ZNF534: variants seen among roughly 807,000 people sequenced by gnomAD.
ZNF534 encodes zinc finger protein 534.
In ZNF534, 19 loss-of-function variants were observed where a neutral mutation model predicts 13.6. The ratio of observed to expected loss-of-function variants is 1.40; its 90% CI spans 0.97 to 2.05. The LOEUF is 2.05. Ranked by LOEUF, ZNF534 falls within the 30% of genes most tolerant of loss-of-function variation. The pLI is 0.00. For synonymous variants in ZNF534, 244 were observed against 273.8 expected (o/e 0.89, Z 1.07); for missense variants, 782 against 796.3 (o/e 0.98, Z 0.22).
chr19:52,443,250 C>T (rs891228429), downstream of ZNF534, among the ~76,000 whole-genome samples: 61 of 152,014 alleles, frequency 4.0e-4, 1 homozygote, highest in East Asian at 1.9e-4. Flanking sequence ...TATCTTTTTG[C>T]GATGAATTTC....
At position 52,438,327 on chromosome 19, in the gene ZNF534, G is replaced by A. The variant is rs2059143732; in HGVS notation, c.867G>A (p.Arg289=). 1.2e-6 allele frequency: 2 copies of A among 1,606,484 alleles called. No homozygotes were observed. The highest frequency in any genetic ancestry group is 1.7e-6 in the Non-Finnish European group (2 of 1,174,328). Residue 289 remains arginine, a synonymous_variant, in exon 5 of 5, where the codon AGG becomes AGA. Coordinates refer to ENST00000433050, the MANE Select transcript of ZNF534 (RefSeq NM_001143938.3). The part of the protein sequence containing the change: ...FSHHAYLAQH[R]KIHTGEKPYK... ...ACCATGCCTACCTTGCACAGCATAG[G>A]AAAATTCATACTGGAGAGAAGCCTT...
At position 52,434,101 on chromosome 19, in the gene ZNF534, A is replaced by G; in HGVS notation, c.142+20A>G. Reference sequence around the variant, plus strand: ...CCCTAGGTGAGGATAATGTCCGTCCAGAAGCCTGCATCTGCTCTGGTATAT... The same window carrying G: ...CCCTAGGTGAGGATAATGTCCGTCCGGAAGCCTGCATCTGCTCTGGTATAT... On this transcript the variant is annotated intron_variant, in intron 3 of 4. Coordinates refer to ENST00000433050, the MANE Select transcript of ZNF534 (RefSeq NM_001143938.3). 6.2e-7 allele frequency: 1 copy of G among 1,609,664 alleles called. No individual in the cohort carries two copies. Among genetic ancestry groups the G allele is most frequent in the Middle Eastern group, 1.7e-4 (1 of 6,022 alleles).
At chr19:52,435,604 C>A (rs991658337) in intron 4 of ZNF534, among the ~76,000 whole-genome samples, 2 of 152,080 alleles carry the variant, frequency 1.3e-5, no homozygotes, top group Non-Finnish European at 2.9e-5. Flanking sequence ...CTGGGGCTCA[C>A]GTGATTCTCC....
intron 1 of ZNF534, among the ~76,000 whole-genome samples, chr19:52,431,194 A>G (rs1395213477): frequency 1.3e-5 from 2 of 152,168 alleles, no homozygotes; most frequent in Non-Finnish European, 2.9e-5. Flanking sequence ...CCAGCTCTGC[A>G]CTGCTGCAGT....
chr19:52,429,476 AT>A (rs148680205), intron 1 of ZNF534, among the ~76,000 whole-genome samples: 4 of 148,804 alleles, frequency 2.7e-5, no homozygotes, highest in South Asian at 2.1e-4. Context: ...GCACTTTGCT[AT>A]TTTTTTTTCA....
At chr19:52,451,401 C>G (rs1462774622) in exon 5 of ZNF534, 1 of 771,300 alleles carries the variant, frequency 1.3e-6, no homozygotes, top group Non-Finnish European at 2.3e-6. Context: ...ACGGGACTCT[C>G]AGGGCCGGGC....
At chr19:52,446,459 C>T (rs1191009275), downstream of ZNF534, among the ~76,000 whole-genome samples, 4 of 152,126 alleles carry the variant, frequency 2.6e-5, no homozygotes, top group South Asian at 2.1e-4. Flanking sequence ...ATTTCACTCA[C>T]TCTAGAGATT....
intron 4 of ZNF534, among the ~76,000 whole-genome samples, chr19:52,436,810 GT>G (rs1420956592): frequency 4.0e-5 from 6 of 151,712 alleles, no homozygotes; most frequent in Non-Finnish European, 8.8e-5. Flanking sequence ...TTTCCCCTGT[GT>G]TTGTTATCCT....
At chr19:52,444,958 G>C (rs886102727), downstream of ZNF534, among the ~76,000 whole-genome samples, 1 of 152,118 alleles carries the variant, frequency 6.6e-6, no homozygotes. Flanking sequence ...TAAGGCTTTC[G>C]TGCCTCCCAG....
At chr19:52,429,964 T>TC (rs1392662001) in intron 1 of ZNF534, among the ~76,000 whole-genome samples, 7 of 146,872 alleles carry the variant, frequency 4.8e-5, no homozygotes, top group African/African-American at 1.3e-4. Flanking sequence ...CCTTTTTTTT[T>TC]TCCCTTAACA....
In ZNF534 at chr19:52,438,612, T is replaced by TA; in HGVS notation, c.1154dup (p.Asn385LysfsTer2). On this transcript the variant is annotated frameshift_variant, in exon 5 of 5. Coordinates refer to ENST00000433050, the MANE Select transcript of ZNF534 (RefSeq NM_001143938.3). LOFTEE classifies it low-confidence loss of function (END_TRUNC). ...ATACTGGAGAGAAACCTTACAAATG[T>TA]AATGAGTGTGGCAAGGTCTTTATTG... is the stretch of plus-strand genomic sequence containing the variant. The TA allele has an allele frequency of 6.3e-7, 1 of 1,589,708 alleles. No homozygotes were observed.
chr19:52,450,261 C>A (rs924615429), intron 4 of ZNF534, among the ~76,000 whole-genome samples: 1 of 152,106 alleles, frequency 6.6e-6, no homozygotes, highest in African/African-American at 2.4e-5. Flanking sequence ...GATCAATGCC[C>A]TGAAGAGTTT....
chr19:52,432,852 G>A (rs999694566), intron 2 of ZNF534, among the ~76,000 whole-genome samples: 9 of 151,908 alleles, frequency 5.9e-5, no homozygotes, highest in South Asian at 2.1e-4. Flanking sequence ...GTCTGGTCTC[G>A]AACTCCTTAC....
chr19:52,448,023 T>C (rs1481867990), intron 4 of ZNF534, among the ~76,000 whole-genome samples: 3 of 152,178 alleles, frequency 2.0e-5, no homozygotes, highest in Non-Finnish European at 4.4e-5. Flanking sequence ...TTTACAGGTT[T>C]AATAGAATTG....
intron 3 of ZNF534, 171 bp downstream of exon 3, chr19:52,434,252 T>C: frequency 1.1e-6 from 1 of 923,998 alleles, no homozygotes; most frequent in Admixed American, 3.0e-5. Context: ...TCCCAGCACT[T>C]TGGGAGGCCG....
At chr19:52,451,800 A>T (rs1781090713) in exon 5 of ZNF534, 2 of 716,168 alleles carry the variant, frequency 2.8e-6, no homozygotes, top group Non-Finnish European at 5.1e-6. Context: ...ATTTTTGCAA[A>T]GAAAAGTTTG....
At chr19:52,451,655 A>T (rs1251180994) in exon 5 of ZNF534, 1 of 656,794 alleles carries the variant, frequency 1.5e-6, no homozygotes, top group East Asian at 2.6e-5. Flanking sequence ...GAAAACGGAC[A>T]TTCAGACAGC....
In ZNF534 at chr19:52,442,020, C is replaced by T. The variant is rs2059176037; in HGVS notation, c.*2574C>T. ...TGTAATGTATGTGGCACAGGCTTTC[C>T]TGAGGCCTGCCAAATCACTAGAAAT... On this transcript the variant is annotated 3_prime_UTR_variant, in exon 5 of 5. Coordinates refer to ENST00000433050, the MANE Select transcript of ZNF534 (RefSeq NM_001143938.3). Among the ~76,000 whole-genome samples the T allele has an allele frequency of 6.8e-6, 1 of 148,096 alleles. No individual in the cohort carries two copies. Among genetic ancestry groups the T allele is most frequent in the Non-Finnish European group, 1.5e-5 (1 of 67,370 alleles).
chr19:52,451,443 C>G, exon 5 of ZNF534: 1 of 616,908 alleles, frequency 1.6e-6, no homozygotes, highest in Non-Finnish European at 2.9e-6. Context: ...CGGCGCCGCA[C>G]GCCCCGGACG....
Sources: allele counts gnomAD v4.1 joint callset (sites outside exome capture counted in the v4.1 genomes callset), GRCh38; gene constraint gnomAD v4.1.1; transcripts MANE v1.5; gene names NCBI Gene and HGNC (gene_info 2026-07-23, HGNC 2026-07-21).